MGAT4C: variants seen among roughly 807,000 people sequenced by gnomAD.
MGAT4C encodes the protein MGAT4 family member C.
Under a neutral mutation model 40.1 loss-of-function variants are expected in MGAT4C, and 19 were observed. The ratio of observed to expected loss-of-function variants is 0.47; its 90% confidence interval spans 0.33 to 0.70. The LOEUF (loss-of-function observed/expected upper bound fraction) is 0.70. Ranked by LOEUF, MGAT4C falls within the 30% of genes least tolerant of loss-of-function variation. MGAT4C has a pLI of 0.02. For missense variants in MGAT4C, 491 were observed against 563.2 expected, an observed-to-expected ratio of 0.87 and a Z score of 1.30; for synonymous variants, 181 against 187.1, an observed-to-expected ratio of 0.97 and a Z score of 0.27.
At chr12:86,659,350 C>G (rs1565909112) in intron 2 of MGAT4C, among the ~76,000 whole-genome samples, 1 of 151,898 alleles carries the variant, frequency 6.6e-6, no homozygotes, top group Non-Finnish European at 1.5e-5. Context: ...TCCCAAAATG[C>G]CAGAGAAGAG....
At chr12:86,192,016 T>C (rs1341784057) in intron 1 of MGAT4C, among the ~76,000 whole-genome samples, 1 of 142,406 alleles carries the variant, frequency 7.0e-6, no homozygotes, top group African/African-American at 2.6e-5. Flanking sequence ...ACACCGCATG[T>C]TCTCACTCAT....
At chr12:86,153,023 A>G (rs1269046643) in intron 1 of MGAT4C, among the ~76,000 whole-genome samples, 1 of 152,184 alleles carries the variant, frequency 6.6e-6, no homozygotes, top group African/African-American at 2.4e-5. Context: ...ACAAACTGTT[A>G]CATTTTCCAC....
At chr12:86,670,581 T>C (rs1218955014) in intron 2 of MGAT4C, among the ~76,000 whole-genome samples, 1 of 152,160 alleles carries the variant, frequency 6.6e-6, no homozygotes, top group African/African-American at 2.4e-5. Flanking sequence ...TATGGGATTA[T>C]ATACACCACC....
chr12:86,587,628 C>T (rs1961114062), intron 2 of MGAT4C, among the ~76,000 whole-genome samples: 1 of 152,026 alleles, frequency 6.6e-6, no homozygotes, highest in Admixed American at 6.6e-5. Context: ...TTTCCTTGAG[C>T]AGTGGTTTGT....
chr12:86,660,197 T>C (rs1041861662), intron 2 of MGAT4C, among the ~76,000 whole-genome samples: 4 of 152,144 alleles, frequency 2.6e-5, no homozygotes, highest in Non-Finnish European at 4.4e-5. Context: ...TGTAATACTT[T>C]TGATAGATGT....
Position 85,960,114 on chromosome 12 carries a change from A to G in MGAT4C, c.*19175T>C, listed in dbSNP as rs1175783587. ...TATACTTCGCCTTTTCAGTAATTTT[A>G]TTTTTCGGTCTATGGTGCCCACATT... On this transcript the variant is annotated 3_prime_UTR_variant, in exon 5 of 5. Coordinates refer to ENST00000611864, the MANE Select transcript of MGAT4C (RefSeq NM_001351288.2). The G allele has an allele frequency of 6.6e-6, 1 of 151,902 alleles. No homozygotes were observed. Among genetic ancestry groups the G allele is most frequent in the Non-Finnish European group, 1.5e-5 (1 of 67,894 alleles). The allele number at this position is 151,902 out of a possible 1,614,324, so 9.4% of individuals were successfully genotyped here.
At chr12:86,450,614 G>A (rs1282859200) in intron 2 of MGAT4C, among the ~76,000 whole-genome samples, 1 of 151,722 alleles carries the variant, frequency 6.6e-6, no homozygotes, top group Non-Finnish European at 1.5e-5. Flanking sequence ...GTTATTTTCT[G>A]GAGTTTTCAT....
chr12:86,799,832 C>A (rs1473287606), intron 1 of MGAT4C, among the ~76,000 whole-genome samples: 2 of 151,766 alleles, frequency 1.3e-5, no homozygotes, highest in Admixed American at 6.6e-5. Flanking sequence ...CTATATATTG[C>A]CTGTAGATAG....
At chr12:86,572,741 C>T (rs767574245) in intron 2 of MGAT4C, among the ~76,000 whole-genome samples, 3 of 152,094 alleles carry the variant, frequency 2.0e-5, no homozygotes, top group Non-Finnish European at 2.9e-5. Flanking sequence ...CACTCTGTTA[C>T]ATCAACACTG....
intron 2 of MGAT4C, among the ~76,000 whole-genome samples, chr12:86,603,011 A>G (rs959693045): frequency 4.6e-5 from 7 of 151,720 alleles, no homozygotes; most frequent in Non-Finnish European, 1.0e-4. Context: ...GAAGCCAGGC[A>G]CGAAAAACAA....
intron 2 of MGAT4C, among the ~76,000 whole-genome samples, chr12:86,032,256 T>G (rs1890826977): frequency 6.6e-6 from 1 of 151,972 alleles, no homozygotes; most frequent in Admixed American, 6.6e-5. Context: ...AATGATTTAT[T>G]TTCCTTTGAG....
intron 2 of MGAT4C, among the ~76,000 whole-genome samples, chr12:86,479,261 A>C (rs192227085): frequency 5.1e-4 from 77 of 152,154 alleles, no homozygotes; most frequent in African/African-American, 1.7e-3. Context: ...CAATATAAAA[A>C]TGAATATATA....
intron 2 of MGAT4C, among the ~76,000 whole-genome samples, chr12:86,673,379 A>G (rs1964310082): frequency 6.6e-6 from 1 of 152,154 alleles, no homozygotes; most frequent in Non-Finnish European, 1.5e-5. Context: ...TCATTGTGAG[A>G]AAGCACCCGT....
At chr12:86,813,322 C>G (rs535114336) in intron 1 of MGAT4C, among the ~76,000 whole-genome samples, 6 of 152,106 alleles carry the variant, frequency 3.9e-5, no homozygotes, top group Middle Eastern at 6.8e-3. Flanking sequence ...CCTACACTGA[C>G]GTCACATGAT....
intron 2 of MGAT4C, among the ~76,000 whole-genome samples, chr12:86,537,604 T>C (rs1959097460): frequency 1.3e-5 from 2 of 152,156 alleles, no homozygotes; most frequent in Admixed American, 6.5e-5. Context: ...TCTCACTTGA[T>C]TGTCCTTATA....
At chr12:86,783,466 C>T (rs1223288232) in intron 1 of MGAT4C, among the ~76,000 whole-genome samples, 1 of 149,712 alleles carries the variant, frequency 6.7e-6, no homozygotes, top group Non-Finnish European at 1.5e-5. Flanking sequence ...ATCCATCTTC[C>T]CTTCAAGAAA....
intron 2 of MGAT4C, among the ~76,000 whole-genome samples, chr12:86,554,627 T>C (rs1477630806): frequency 6.6e-6 from 1 of 152,174 alleles, no homozygotes; most frequent in Non-Finnish European, 1.5e-5. Flanking sequence ...ATACATGTAG[T>C]TTCAACAATC....
At chr12:86,493,478 T>C (rs966169137) in intron 2 of MGAT4C, among the ~76,000 whole-genome samples, 2 of 152,146 alleles carry the variant, frequency 1.3e-5, no homozygotes, top group East Asian at 1.9e-4. Context: ...TAAAAAATGA[T>C]GAGTTCATGC....
At chr12:86,343,365 AAGAT>A (rs1270798611) in intron 3 of MGAT4C, among the ~76,000 whole-genome samples, 5 of 152,348 alleles carry the variant, frequency 3.3e-5, no homozygotes, top group South Asian at 2.1e-4. Context: ...ATCTGTTAGT[AAGAT>A]AGATAGGAGA....
Sources: gnomAD v4.1 joint callset for allele counts (sites outside exome capture counted in the v4.1 genomes callset) on GRCh38, gnomAD v4.1.1 for gene constraint, MANE v1.5 for transcripts, NCBI Gene and HGNC (gene_info 2026-07-23, HGNC 2026-07-21) for gene names.